FLT1: variants seen among roughly 807,000 people sequenced by gnomAD.
FLT1 encodes vascular endothelial growth factor receptor 1.
A neutral mutation model predicts 156.3 loss-of-function variants in FLT1; 49 were observed. That is an observed-to-expected ratio of 0.31 (90% confidence interval 0.25 to 0.40). The LOEUF is 0.40. Ranked by LOEUF, FLT1 falls within the 10% of genes least tolerant of loss-of-function variation. FLT1 has a pLI of 1.00. For synonymous variants in FLT1, 594 were observed against 583.8 expected, an observed-to-expected ratio of 1.02 and a Z score of -0.25; for missense variants, 1,322 against 1,637.2, an observed-to-expected ratio of 0.81 and a Z score of 3.32.
At chr13:28,397,821 A>G (rs1000844780) in intron 11 of FLT1, among the ~76,000 whole-genome samples, 1 of 150,550 alleles carries the variant, frequency 6.6e-6, no homozygotes, top group African/African-American at 2.4e-5. Context: ...TTAATAAATT[A>G]AGTATCTATT....
intron 1 of FLT1, among the ~76,000 whole-genome samples, chr13:28,474,507 C>CACAGACACACAG (rs1555245772): frequency 1.3e-5 from 2 of 150,594 alleles, no homozygotes; most frequent in South Asian, 2.1e-4. Flanking sequence ...CACACACACA[C>CACAGACACACAG]ACACACACAC....
In FLT1 at chr13:28,302,279, G is replaced by A. The variant is rs1870546960; in HGVS notation, c.*888C>T. 1 of 233,152 alleles carries A rather than the reference G, an allele frequency of 4.3e-6. No individual in the cohort carries two copies. The highest frequency in any genetic ancestry group is 5.6e-5 in the Admixed American group (1 of 17,774). 14.4% of individuals were successfully genotyped at this position (233,152 alleles called of 1,614,324 possible). On this transcript the variant is annotated 3_prime_UTR_variant, in exon 30 of 30. Coordinates refer to ENST00000282397, the MANE Select transcript of FLT1 (RefSeq NM_002019.4). Reference sequence around the variant, plus strand: ...ATAGAATGTGACATTTTCAGTGTAAGGCCATCATGGCCTGGAGACAACCTA... The same window carrying A: ...ATAGAATGTGACATTTTCAGTGTAAAGCCATCATGGCCTGGAGACAACCTA...
At chr13:28,345,041 G>A (rs1872513595) in intron 16 of FLT1, among the ~76,000 whole-genome samples, 1 of 151,838 alleles carries the variant, frequency 6.6e-6, no homozygotes, top group Non-Finnish European at 1.5e-5. Context: ...GGCCTCAAGC[G>A]ATCCTCCTGC....
At chr13:28,468,489 C>T (rs145709305) in intron 1 of FLT1, among the ~76,000 whole-genome samples, 2 of 152,294 alleles carry the variant, frequency 1.3e-5, no homozygotes, top group East Asian at 1.9e-4. Context: ...TTGGACTAGA[C>T]GACCTTGAAA....
chr13:28,388,221 G>C, intron 13 of FLT1: 1 of 1,057,274 alleles, frequency 9.5e-7, no homozygotes, highest in Non-Finnish European at 1.1e-6. Context: ...TGTTTTCAGA[G>C]CATTTGGGGC....
chr13:28,445,482 C>T (rs1878566079), intron 3 of FLT1, among the ~76,000 whole-genome samples: 1 of 151,982 alleles, frequency 6.6e-6, no homozygotes, highest in Non-Finnish European at 1.5e-5. Flanking sequence ...AGAAATGAAA[C>T]AGTGGACATT....
At chr13:28,343,009 C>T (rs1322839156) in intron 16 of FLT1, among the ~76,000 whole-genome samples, 4 of 151,918 alleles carry the variant, frequency 2.6e-5, no homozygotes, top group Non-Finnish European at 5.9e-5. Context: ...GACAGAGTCT[C>T]ACTGTGTCAC....
chr13:28,320,736 GA>G (rs1871416358), intron 23 of FLT1, among the ~76,000 whole-genome samples: 1 of 152,084 alleles, frequency 6.6e-6, no homozygotes, highest in Non-Finnish European at 1.5e-5. Flanking sequence ...CTGGGGGGTG[GA>G]AGGCTTGTTA....
intron 15 of FLT1, among the ~76,000 whole-genome samples, chr13:28,354,581 T>G (rs1313935824): frequency 6.6e-6 from 1 of 152,338 alleles, no homozygotes; most frequent in Admixed American, 6.5e-5. Context: ...GCTACTTATT[T>G]GTTTCTTTTA....
rs1409300048 is a variant in FLT1, at chr13:28,333,968, T to C, written c.2593+57A>G. The C allele has an allele frequency of 2.8e-6, 3 of 1,078,788 alleles. No individual in the cohort carries two copies. In the Middle Eastern group the frequency reaches 6.0e-4, roughly 215 times the overall value. The allele number at this position is 1,078,788 out of a possible 1,614,324, so 66.8% of individuals were successfully genotyped here. A position where few individuals can be genotyped will look rare whatever the true frequency, so the allele number is the denominator to read the frequency against. Reference sequence around the variant, plus strand: ...AGGCTATATCTAACTTGTACCAACATTTAGGAAATGCAAAATGGTGATGGG... The same window carrying C: ...AGGCTATATCTAACTTGTACCAACACTTAGGAAATGCAAAATGGTGATGGG... On this transcript the variant is annotated intron_variant, in intron 18 of 29. Coordinates refer to ENST00000282397, the MANE Select transcript of FLT1 (RefSeq NM_002019.4).
intron 13 of FLT1, chr13:28,385,944 C>T (rs1381969090): frequency 1.9e-6 from 2 of 1,037,268 alleles, no homozygotes; most frequent in East Asian, 5.8e-5. Context: ...CTAAAGCTTC[C>T]AAGGTAAAAA....
rs767535450 is a variant in FLT1, at chr13:28,412,326, TTTC to T, written c.1437-6435_1437-6433del. Among the ~76,000 whole-genome samples, 30 of 70,896 alleles carry T rather than the reference TTTC, an allele frequency of 4.2e-4. 1 individual carries two copies. Among genetic ancestry groups the T allele is most frequent in the African/African-American group, 1.3e-3 (27 of 21,138 alleles). The allele number at this position is 70,896 out of a possible 152,430, so 46.5% of individuals were successfully genotyped here. ...CTCTTTCTCTTTCTTTCTTTCTTTC[TTTC>T]TTTTCTTTCTTTCTTTCTTTCTCTT... On this transcript the variant is annotated intron_variant, in intron 10 of 29. Transcript: ENST00000282397.
At chr13:28,430,913 G>A (rs1279736318) in intron 7 of FLT1, among the ~76,000 whole-genome samples, 1 of 152,122 alleles carries the variant, frequency 6.6e-6, no homozygotes, top group Non-Finnish European at 1.5e-5. Context: ...GCCATAATAA[G>A]CATCTAAAGA....
At chr13:28,386,402 A>G in intron 13 of FLT1, 3 of 1,030,846 alleles carry the variant, frequency 2.9e-6, no homozygotes, top group Non-Finnish European at 3.5e-6. Context: ...ATTTCTCAAT[A>G]AATTTTGATT....
rs370152339 is a variant in FLT1 at position 28,343,933 on chromosome 13, C to T, written c.2355+1512G>A. Among the ~76,000 whole-genome samples the T allele has an allele frequency of 6.5e-3, 983 of 152,162 alleles. 10 individuals are homozygous for T. Among genetic ancestry groups the T allele is most frequent in the African/African-American group, 0.023 (947 of 41,544 alleles). ...CTGGGATTACAGGCGTGAGCCACCG[C>T]GCCCGGCAGCCACCATAATTTCTTA... On this transcript the variant is annotated intron_variant, in intron 16 of 29. Coordinates refer to ENST00000282397, the MANE Select transcript of FLT1 (RefSeq NM_002019.4).
intron 1 of FLT1, among the ~76,000 whole-genome samples, chr13:28,479,514 T>TA (rs1263013762): frequency 1.3e-5 from 2 of 152,302 alleles, no homozygotes; most frequent in African/African-American, 4.8e-5. Flanking sequence ...TTCAAAAACT[T>TA]AAAAAAATCT....
chr13:28,309,301 G>A (rs185875953), intron 27 of FLT1, among the ~76,000 whole-genome samples: 9 of 152,346 alleles, frequency 5.9e-5, no homozygotes, highest in African/African-American at 2.2e-4. Context: ...CTCTGAAAAG[G>A]ATGTGAGGTG....
chr13:28,376,390 T>C (rs1873840453), intron 14 of FLT1, among the ~76,000 whole-genome samples: 1 of 152,256 alleles, frequency 6.6e-6, no homozygotes, highest in African/African-American at 2.4e-5. Context: ...CCTTAAAATA[T>C]TCTAAAAATG....
Position 28,431,155 on chromosome 13 carries a change from G to C in FLT1, c.969C>G (p.Asn323Lys), listed in dbSNP as rs780080530. 2.5e-5 allele frequency: 41 copies of C among 1,613,396 alleles called. No homozygotes were observed. In the South Asian group the frequency reaches 4.2e-4, roughly 16 times the overall value. ...GCTTACCATATATATGCACTGAGGTGTTAACAGATTTGAATGATGGTCCAC... is the reference window on the plus strand; with the variant it reads ...GCTTACCATATATATGCACTGAGGTCTTAACAGATTTGAATGATGGTCCAC... Reference protein sequence around the residue: ...VRSGPSFKSVNTSVHIYDKAF... With the variant: ...VRSGPSFKSVKTSVHIYDKAF... Residue 323 changes from asparagine to lysine, a missense_variant, in exon 7 of 30, where the codon AAC becomes AAG. By Grantham distance (94) the Asn-to-Lys change is moderately conservative (BLOSUM62 0). Coordinates refer to ENST00000282397, the MANE Select transcript of FLT1 (RefSeq NM_002019.4).
Sources: allele counts gnomAD v4.1 joint callset (sites outside exome capture counted in the v4.1 genomes callset), GRCh38; gene constraint gnomAD v4.1.1; transcripts MANE v1.5; gene names NCBI Gene and HGNC (gene_info 2026-07-23, HGNC 2026-07-21).